The following SPEN variants were observed in gnomAD, a reference collection of about 807,000 sequenced individuals.
The protein encoded by SPEN is spen family transcriptional repressor.
In SPEN, 18 loss-of-function variants were observed where a neutral mutation model predicts 269.9. The observed-to-expected ratio is 0.07, with a 90% CI of 0.05 to 0.10. SPEN has a LOEUF of 0.10. Ranked by LOEUF, SPEN falls within the 10% of genes least tolerant of loss-of-function variation. The pLI, the probability that SPEN is intolerant of heterozygous loss-of-function variation, is 1.00. For missense variants in SPEN, 3,822 were observed against 4,631.2 expected, an observed-to-expected ratio of 0.83 and a Z score of 5.07; for synonymous variants, 1,726 against 1,765.7, an observed-to-expected ratio of 0.98 and a Z score of 0.56.
intron 9 of SPEN, 27 bp from the exon 10 acceptor site, chr1:15,922,222 A>T (rs1375802622): frequency 1.3e-6 from 2 of 1,526,560 alleles, no homozygotes; most frequent in Non-Finnish European, 1.8e-6. Context: ...TGAAACTTGC[A>T]TCAAACACCT....
rs848211 is a variant in SPEN at position 15,934,421 on chromosome 1, C to T, written c.8181C>T (p.Ala2727=). ...TVNAAPGTVN[A]AASAVNATAS... ...ATGCCGCCCCAGGCACAGTCAATGCCGCTGCGAGTGCAGTGAATGCCACAG... is the reference window on the plus strand; with the variant it reads ...ATGCCGCCCCAGGCACAGTCAATGCTGCTGCGAGTGCAGTGAATGCCACAG... The change falls in exon 11 of 15, where the codon GCC becomes GCT. Residue 2727 remains alanine (A), a synonymous_variant. Transcript: ENST00000375759. This position sits in a 1 kb window ranked among gnomAD's most constrained non-coding sequence, Gnocchi z 9.2. 0.11 allele frequency: 180,120 copies of T among 1,613,742 alleles called. 12,403 individuals carry two copies. Among genetic ancestry groups the T allele is most frequent in the Admixed American group, 0.29 (17,484 of 60,020 alleles).
In SPEN at chr1:15,918,806, C is replaced by A; in HGVS notation, c.1396-120C>A. The A allele has an allele frequency of 1.0e-5, 8 of 764,522 alleles. No homozygotes were observed. In the South Asian group the frequency reaches 1.5e-4, roughly 15 times the overall value. The allele number at this position is 764,522 out of a possible 1,614,324, so 47.4% of individuals were successfully genotyped here. ...GTATTAAGGTGTACAGTTTTTTTAA[C>A]TAAGTAAATGATGATTGAGAACATG... On this transcript the variant is annotated intron_variant, in intron 6 of 14. Coordinates refer to ENST00000375759, the MANE Select transcript of SPEN (RefSeq NM_015001.3).
At chr1:15,876,071 G>A in intron 2 of SPEN, 131 bp from the exon 3 acceptor site, 2 of 661,450 alleles carry the variant, frequency 3.0e-6, no homozygotes, top group Non-Finnish European at 5.2e-6. Context: ...TGCTTATTAA[G>A]TAGGTTAATG....
At chr1:15,922,057 C>A (rs558164547) in intron 9 of SPEN, among the ~76,000 whole-genome samples, 192 bp from the exon 10 acceptor site, 1 of 152,088 alleles carries the variant, frequency 6.6e-6, no homozygotes, top group African/African-American at 2.4e-5. Flanking sequence ...TCTTTTATCA[C>A]GGTTTATACA....
Position 15,928,406 on chromosome 1 carries a change from T to A in SPEN, c.2166T>A (p.Ile722=). ...ACAGAGACCATGAGAGGAGGCCGAT[T>A]GAACGAAGTCAAAGTCCTGTTCACT... is the stretch of plus-strand genomic sequence containing the variant. The part of the protein sequence containing the change: ...DRDRDHERRP[I]ERSQSPVHLR... Residue 722 remains isoleucine, a synonymous_variant, in exon 11 of 15, where the codon ATT becomes ATA. Transcript: ENST00000375759. This position sits in a 1 kb window ranked among gnomAD's most constrained non-coding sequence, Gnocchi z 5.7. The A allele has an allele frequency of 1.2e-6, 2 of 1,614,110 alleles. 1 individual carries two copies. The highest frequency in any genetic ancestry group is 2.2e-5 in the South Asian group (2 of 91,078).
At chr1:15,880,702 C>T (rs1371590850) in intron 3 of SPEN, among the ~76,000 whole-genome samples, 2 of 152,004 alleles carry the variant, frequency 1.3e-5, no homozygotes, top group East Asian at 3.9e-4. Context: ...AGTGATCCAC[C>T]CACCTCAGCC....
In SPEN at chr1:15,932,647, A is replaced by G; in HGVS notation, c.6407A>G (p.Gln2136Arg). 1 of 1,612,674 alleles carries G rather than the reference A, an allele frequency of 6.2e-7. No individual in the cohort carries two copies. Among genetic ancestry groups the G allele is most frequent in the Non-Finnish European group, 8.5e-7 (1 of 1,179,084 alleles). Residue 2136 changes from glutamine to arginine, a missense_variant, in exon 11 of 15, where the codon CAG becomes CGG. Gln to Arg is a conservative substitution (Grantham distance 43). This residue lies in a region of SPEN where 727 missense variants were observed against 737.9 expected (regional missense o/e 0.99). Transcript: ENST00000375759. The surrounding 1 kb of genome is among the most constrained non-coding windows in gnomAD (Gnocchi z 4.2). Reference protein sequence around the residue: ...SPQKEDGLSSQLKSDPVDPDK... With the variant: ...SPQKEDGLSSRLKSDPVDPDK... The stretch of plus-strand genomic sequence containing the variant: ...CAAAAGGAGGATGGTTTATCATCCC[A>G]GTTGAAAAGTGATCCAGTTGATCCA...
rs1215369183 is a variant in SPEN, at chr1:15,904,452, CAAAAAAAAA to C, written c.882-4852_882-4844del. Among the ~76,000 whole-genome samples the C allele has an allele frequency of 8.0e-4, 39 of 48,634 alleles. 1 individual carries two copies. The highest frequency in any genetic ancestry group is 6.8e-3 in the Admixed American group (20 of 2,956). 31.9% of individuals were successfully genotyped at this position (48,634 alleles called of 152,430 possible). ...GGGCAATAAGAGCGAAACTCCATCT[CAAAAAAAAA>C]AAAAAAAAAAAAAAAAGTGAACTAA... is the stretch of plus-strand genomic sequence containing the variant. On this transcript the variant is annotated intron_variant, in intron 3 of 14. Transcript: ENST00000375759.
intron 1 of SPEN, among the ~76,000 whole-genome samples, chr1:15,869,119 C>T (rs1426774083): frequency 2.6e-5 from 4 of 151,872 alleles, no homozygotes; most frequent in African/African-American, 7.3e-5. Context: ...TGCAGTGGCG[C>T]GATCTCGGCT....
intron 1 of SPEN, among the ~76,000 whole-genome samples, chr1:15,867,486 C>T (rs1304465926): frequency 1.3e-5 from 2 of 152,196 alleles, no homozygotes; most frequent in Admixed American, 1.3e-4. Context: ...GCCTGAGCCA[C>T]CACGCCTGGC....
At chr1:15,910,305 T>A (rs2071000742) in intron 4 of SPEN, among the ~76,000 whole-genome samples, 1 of 151,978 alleles carries the variant, frequency 6.6e-6, no homozygotes, top group Non-Finnish European at 1.5e-5. Flanking sequence ...ACCTTTTATA[T>A]TTCTAATAAA....
chr1:15,887,995 T>C (rs1390309401), intron 3 of SPEN, among the ~76,000 whole-genome samples: 1 of 151,294 alleles, frequency 6.6e-6, no homozygotes, highest in African/African-American at 2.4e-5. Flanking sequence ...ACCACTGCAC[T>C]CCAGCTTGGG....
At chr1:15,893,010 A>G (rs1362759683) in intron 3 of SPEN, among the ~76,000 whole-genome samples, 1 of 152,172 alleles carries the variant, frequency 6.6e-6, no homozygotes, top group Non-Finnish European at 1.5e-5. Flanking sequence ...AGGCAGGAGA[A>G]TCGTTTGAAC....
chr1:15,873,466 T>C (rs1410452738), intron 2 of SPEN: 1 of 1,036,620 alleles, frequency 9.6e-7, no homozygotes, highest in Non-Finnish European at 1.2e-6. Context: ...ATATATCCCT[T>C]CTACCTGATG....
intron 1 of SPEN, among the ~76,000 whole-genome samples, chr1:15,864,962 A>G (rs895657185): frequency 1.3e-5 from 2 of 151,950 alleles, no homozygotes; most frequent in Non-Finnish European, 2.9e-5. Flanking sequence ...TGGCTTCCCA[A>G]AGTGGTGGGA....
rs141617453 is a variant in SPEN, at chr1:15,871,685, A to G, written c.84-1131A>G. Among the ~76,000 whole-genome samples, 423 of 152,300 alleles carry G rather than the reference A, an allele frequency of 2.8e-3. 2 individuals are homozygous for G. The highest frequency in any genetic ancestry group is 9.8e-3 in the African/African-American group (406 of 41,560). ...AATTAAGTAGCAAAAAAATTACATT[A>G]AAAAAATTAGACTGTCACTTGCAAA... On this transcript the variant is annotated intron_variant, in intron 1 of 14. Coordinates refer to ENST00000375759, the MANE Select transcript of SPEN (RefSeq NM_015001.3).
At chr1:15,851,424 C>T (rs1168927110) in intron 1 of SPEN, among the ~76,000 whole-genome samples, 1 of 152,010 alleles carries the variant, frequency 6.6e-6, no homozygotes, top group Non-Finnish European at 1.5e-5. Context: ...AAAGTCCTTT[C>T]CTTTGTATGT....
At chr1:15,854,814 G>C (rs2070369616) in intron 1 of SPEN, among the ~76,000 whole-genome samples, 1 of 152,036 alleles carries the variant, frequency 6.6e-6, no homozygotes, top group African/African-American at 2.4e-5. Context: ...TATCTAGCTG[G>C]TTTTTAGTGT....
rs370007008 is a variant in SPEN at position 15,901,710 on chromosome 1, G to T, written c.882-7611G>T. ...CTTAAATTCAGATTACATCAGAAGT[G>T]GTGGAGTTGAAAATGGTAATGGTGT... On this transcript the variant is annotated intron_variant, in intron 3 of 14. Transcript: ENST00000375759. Among the ~76,000 whole-genome samples, 15 of 151,250 alleles carry T rather than the reference G, an allele frequency of 9.9e-5. No homozygotes were observed. In the South Asian group the frequency reaches 2.9e-3, roughly 30 times the overall value.
Sources: allele counts gnomAD v4.1 joint callset (sites outside exome capture counted in the v4.1 genomes callset), GRCh38; gene constraint gnomAD v4.1.1; regional missense constraint gnomAD v4.1.1; non-coding constraint Gnocchi (gnomAD v3.1); transcripts MANE v1.5; gene names NCBI Gene and HGNC (gene_info 2026-07-23, HGNC 2026-07-21).